The following DPY19L1 variants were observed in gnomAD, a reference collection of about 807,000 sequenced individuals.
DPY19L1 encodes protein C-mannosyl-transferase DPY19L1.
A neutral mutation model predicts 96.9 loss-of-function variants in DPY19L1; 35 were observed. The observed-to-expected ratio is 0.36, with a 90% confidence interval of 0.28 to 0.48. DPY19L1 has a LOEUF of 0.48. DPY19L1 is among the 20% of genes least tolerant of loss of function. The pLI is 0.99. For synonymous variants in DPY19L1, 205 were observed against 252.6 expected (o/e 0.81, Z 1.79); for missense variants, 521 against 777.9 (o/e 0.67, Z 3.93).
chr7:34,973,588 C>A lies in DPY19L1; in HGVS notation c.840G>T (p.Trp280Cys). Residue 280 changes from tryptophan to cysteine, a missense_variant, in exon 8 of 22, where the codon TGG becomes TGT. Physicochemically the swap from Trp to Cys is radical, Grantham distance 215. Transcript: ENST00000638088. ...FNHGECTRVM[W>C]TPPLRESFSY... ...AGAAGCTTTCACGGAGAGGTGGTGT[C>A]CACATTACACGGGTACACTGAAAAA... 6.6e-7 allele frequency: 1 copy of A among 1,513,988 alleles called. No individual in the cohort carries two copies. The highest frequency in any genetic ancestry group is 8.9e-7 in the Non-Finnish European group (1 of 1,129,244). The allele number at this position is 1,513,988 out of a possible 1,614,324, so 93.8% of individuals were successfully genotyped here.
At position 34,966,948 on chromosome 7, in the gene DPY19L1, A is replaced by G. The variant is rs367913467; in HGVS notation, c.1038T>C (p.Tyr346=). The G allele has an allele frequency of 1.3e-6, 2 of 1,539,972 alleles. No homozygotes were observed. Among genetic ancestry groups the G allele is most frequent in the African/African-American group, 2.8e-5 (2 of 70,746 alleles). The change falls in exon 10 of 22, where the codon TAT becomes TAC. Residue 346 remains tyrosine, a synonymous_variant. Transcript: ENST00000638088. Reference sequence around the variant, plus strand: ...TACATATATCAATGTACCCGACAACATATACTGCAAATAATGATGCAATCT... The same window carrying G: ...TACATATATCAATGTACCCGACAACGTATACTGCAAATAATGATGCAATCT... ...LTQIASLFAV[Y]VVGYIDICKL... is the part of the protein sequence containing the mutation.
chr7:35,031,168 T>A (rs1489622546), intron 1 of DPY19L1, among the ~76,000 whole-genome samples: 1 of 152,206 alleles, frequency 6.6e-6, no homozygotes, highest in African/African-American at 2.4e-5. Flanking sequence ...GTCCTCCATA[T>A]CTGTCAGTTC....
chr7:34,956,757 C>A, intron 11 of DPY19L1, among the ~76,000 whole-genome samples: 1 of 152,074 alleles, frequency 6.6e-6, no homozygotes, highest in East Asian at 1.9e-4. Context: ...CCTGCCTCAG[C>A]CTCCCAAAGT....
At chr7:35,022,198 C>T (rs868346596) in intron 1 of DPY19L1, among the ~76,000 whole-genome samples, 1 of 152,186 alleles carries the variant, frequency 6.6e-6, no homozygotes. Flanking sequence ...CACTTAAACA[C>T]ATATGCCATT....
At chr7:34,973,033 A>AT (rs200034759) in intron 8 of DPY19L1, among the ~76,000 whole-genome samples, 2,803 of 152,230 alleles carry the variant, frequency 0.018, 23 homozygotes, top group African/African-American at 0.027. Context: ...GCTTTGTTCC[A>AT]TTTTTCCATA....
chr7:34,937,174 C>G (rs1352427789), intron 21 of DPY19L1, among the ~76,000 whole-genome samples: 1 of 152,222 alleles, frequency 6.6e-6, no homozygotes, highest in East Asian at 1.9e-4. Flanking sequence ...GAGCTATACT[C>G]AGCTTAGTAA....
chr7:35,003,014 C>T (rs1785465308), intron 6 of DPY19L1, among the ~76,000 whole-genome samples: 1 of 152,176 alleles, frequency 6.6e-6, no homozygotes, highest in Non-Finnish European at 1.5e-5. Context: ...TTGTGATCCA[C>T]CCACCTCGGC....
chr7:34,942,014 G>A (rs2557768), intron 17 of DPY19L1, 130 bp from the exon 18 acceptor site: 290,843 of 958,958 alleles, frequency 0.3, 45,568 homozygotes, highest in Non-Finnish European at 0.33. Flanking sequence ...CTGAAACTTC[G>A]AAAACAATTC....
At chr7:34,959,287 A>G (rs772095183) in intron 10 of DPY19L1, among the ~76,000 whole-genome samples, 4 of 152,220 alleles carry the variant, frequency 2.6e-5, no homozygotes, top group Non-Finnish European at 5.9e-5. Flanking sequence ...TAGTTCAACT[A>G]TTGTGGAAGA....
intron 6 of DPY19L1, among the ~76,000 whole-genome samples, chr7:35,009,398 T>C (rs1785646437): frequency 6.6e-6 from 1 of 152,118 alleles, no homozygotes; most frequent in South Asian, 2.1e-4. Flanking sequence ...ACTTCAAACA[T>C]ATATACAGAA....
At chr7:34,995,852 A>G (rs1469594113) in intron 6 of DPY19L1, among the ~76,000 whole-genome samples, 4 of 144,804 alleles carry the variant, frequency 2.8e-5, no homozygotes, top group Non-Finnish European at 4.5e-5. Context: ...TCCTAGCCCA[A>G]TGAAGAAATG....
At chr7:34,982,097 T>G (rs1260028848) in intron 7 of DPY19L1, among the ~76,000 whole-genome samples, 1 of 151,552 alleles carries the variant, frequency 6.6e-6, no homozygotes, top group Non-Finnish European at 1.5e-5. Context: ...AGAAACTGTT[T>G]GAGATAAACT....
intron 6 of DPY19L1, among the ~76,000 whole-genome samples, chr7:34,995,443 A>C (rs1407466369): frequency 6.6e-6 from 1 of 152,160 alleles, no homozygotes; most frequent in Non-Finnish European, 1.5e-5. Context: ...CATCTCATTC[A>C]CCTAAACCTT....
chr7:34,969,344 A>G, intron 9 of DPY19L1, 89 bp downstream of exon 9: 1 of 654,926 alleles, frequency 1.5e-6, no homozygotes, highest in Non-Finnish European at 2.3e-6. Flanking sequence ...ACTTAGAACC[A>G]TAGAATATCT....
At position 34,990,746 on chromosome 7, in the gene DPY19L1, C is replaced by T. The variant is rs539097587; in HGVS notation, c.765-805G>A. Among the ~76,000 whole-genome samples the T allele has an allele frequency of 1.4e-4, 21 of 152,304 alleles. 1 individual carries two copies. In the South Asian group the frequency reaches 4.1e-3, roughly 30 times the overall value. On this transcript the variant is annotated intron_variant, in intron 6 of 21. Coordinates refer to ENST00000638088, the MANE Select transcript of DPY19L1 (RefSeq NM_001366673.1). ...TTTAGGTTTATTTCATCATGTTCTG[C>T]ATTTTTACTCTTGAGGTCTTCTCAC...
At chr7:34,936,851 G>A (rs897475243) in intron 21 of DPY19L1, among the ~76,000 whole-genome samples, 15 of 152,154 alleles carry the variant, frequency 9.9e-5, no homozygotes, top group African/African-American at 3.6e-4. Flanking sequence ...TCACGACTCA[G>A]TATTTAACAA....
intron 3 of DPY19L1, among the ~76,000 whole-genome samples, chr7:35,014,799 GGA>G (rs201592051): frequency 0.017 from 2,647 of 152,228 alleles, 25 homozygotes; most frequent in African/African-American, 0.024. Flanking sequence ...AGGTCATATT[GGA>G]TTAAGGTGGA....
At chr7:34,997,344 G>A (rs551693604) in intron 6 of DPY19L1, among the ~76,000 whole-genome samples, 1 of 147,432 alleles carries the variant, frequency 6.8e-6, no homozygotes, top group Admixed American at 6.8e-5. Flanking sequence ...TGTAATCCCA[G>A]CACTTTGGGA....
chr7:35,027,138 A>T (rs542008005), intron 1 of DPY19L1, among the ~76,000 whole-genome samples: 2 of 152,010 alleles, frequency 1.3e-5, no homozygotes, highest in Non-Finnish European at 2.9e-5. Flanking sequence ...CAGGAGGTGG[A>T]GGTTACAGTG....
Sources: allele counts gnomAD v4.1 joint callset (sites outside exome capture counted in the v4.1 genomes callset), GRCh38; gene constraint gnomAD v4.1.1; transcripts MANE v1.5; gene names NCBI Gene and HGNC (gene_info 2026-07-23, HGNC 2026-07-21).